The following IRAK2 variants were observed in gnomAD, a reference collection of about 807,000 sequenced individuals.
IRAK2 encodes the protein interleukin 1 receptor associated kinase 2.
In IRAK2, 57 loss-of-function variants were observed where a neutral mutation model predicts 72.0. The observed-to-expected ratio is 0.79, with a 90% CI of 0.64 to 0.99. The LOEUF (loss-of-function observed/expected upper bound fraction) is 0.99, where lower values mean the gene tolerates loss of function less well. IRAK2 is among the 50% of genes least tolerant of loss of function. The pLI is 0.00. For synonymous variants in IRAK2, 293 were observed against 312.7 expected (o/e 0.94, Z 0.67); for missense variants, 790 against 794.4 (o/e 0.99, Z 0.07).
chr3:10,197,563 C>CA (rs1051229994), intron 2 of IRAK2, among the ~76,000 whole-genome samples: 2 of 151,674 alleles, frequency 1.3e-5, no homozygotes, highest in Admixed American at 6.6e-5. Flanking sequence ...AAAAGTTGTC[C>CA]AAAGGAGGGC....
chr3:10,216,605 G>A lies in IRAK2; in HGVS notation c.789-329G>A, dbSNP rs191346402. On this transcript the variant is annotated intron_variant, in intron 6 of 12. Coordinates refer to ENST00000256458, the MANE Select transcript of IRAK2 (RefSeq NM_001570.4). Reference sequence around the variant, plus strand: ...GAACCCCAGTCCTAGAGTCAGGCAGGTGTGGGATCTGGTCCTGGCTTTACT... The same window carrying A: ...GAACCCCAGTCCTAGAGTCAGGCAGATGTGGGATCTGGTCCTGGCTTTACT... Among the ~76,000 whole-genome samples the A allele has an allele frequency of 3.3e-4, 51 of 152,322 alleles. 1 individual carries two copies. Among genetic ancestry groups the A allele is most frequent in the African/African-American group, 1.2e-3 (50 of 41,572 alleles).
In IRAK2 at chr3:10,165,048, G is replaced by C. The variant is rs766957274; in HGVS notation, c.94G>C (p.Ala32Pro). 8.7e-6 allele frequency: 14 copies of C among 1,609,422 alleles called. No homozygotes were observed. The highest frequency in any genetic ancestry group is 1.2e-5 in the Non-Finnish European group (14 of 1,178,678). ...CAGCGAGTGGGACTGGATGGAGTTC[G>C]GTGAGTGCGGCCCGGGGAGGGGAGG... is the stretch of plus-strand genomic sequence containing the variant. The part of the protein sequence containing the change: ...ALSEWDWMEF[A>P]SYVITDLTQL... Residue 32 changes from alanine (A) to proline (P), a missense_variant and splice_region_variant, in exon 1 of 13, where the codon GCC (alanine) becomes CCC (proline). Coordinates refer to ENST00000256458, the MANE Select transcript of IRAK2 (RefSeq NM_001570.4).
At chr3:10,209,868 G>A (rs1015174575) in intron 4 of IRAK2, among the ~76,000 whole-genome samples, 176 bp downstream of exon 4, 4 of 152,094 alleles carry the variant, frequency 2.6e-5, no homozygotes, top group Admixed American at 6.6e-5. Flanking sequence ...CAATAATAGC[G>A]GGGAGAGGGA....
intron 2 of IRAK2, among the ~76,000 whole-genome samples, chr3:10,192,349 C>T (rs1231883623): frequency 5.9e-5 from 9 of 152,156 alleles, no homozygotes; most frequent in Admixed American, 5.2e-4. Flanking sequence ...CTCTGAGTCC[C>T]CTCTGCTCCA....
intron 11 of IRAK2, among the ~76,000 whole-genome samples, chr3:10,238,291 C>T (rs1697997824): frequency 6.6e-6 from 1 of 152,128 alleles, no homozygotes; most frequent in African/African-American, 2.4e-5. Context: ...CTGTCTGTGG[C>T]TCTCTCTTCG....
At position 10,193,482 on chromosome 3, in the gene IRAK2, G is replaced by A. The variant is rs566897690; in HGVS notation, c.278-6887G>A. ...CAAAAACAAAAACAAAATTAGCCTG[G>A]CGTGGTGGCGTGCTCCTGTGGTCTC... On this transcript the variant is annotated intron_variant, in intron 2 of 12. Transcript: ENST00000256458. Among the ~76,000 whole-genome samples the A allele has an allele frequency of 2.0e-4, 31 of 152,026 alleles. 1 individual carries two copies. In the South Asian group the frequency reaches 6.4e-3, roughly 32 times the overall value.
intron 3 of IRAK2, among the ~76,000 whole-genome samples, chr3:10,202,085 C>A (rs1387501851): frequency 6.6e-6 from 1 of 152,134 alleles, no homozygotes; most frequent in African/African-American, 2.4e-5. Flanking sequence ...TCCAGACACT[C>A]CAGATAGGTT....
At chr3:10,224,934 A>C (rs983078049) in intron 9 of IRAK2, among the ~76,000 whole-genome samples, 1 of 150,808 alleles carries the variant, frequency 6.6e-6, no homozygotes, top group Non-Finnish European at 1.5e-5. Context: ...GTGAGTGCTC[A>C]GTGACCTCTA....
chr3:10,219,946 C>T (rs975096624), intron 8 of IRAK2, among the ~76,000 whole-genome samples, 157 bp downstream of exon 8: 3 of 152,170 alleles, frequency 2.0e-5, no homozygotes, highest in Non-Finnish European at 4.4e-5. Flanking sequence ...GTCTTTTTCT[C>T]TGTTATGCCC....
intron 12 of IRAK2, among the ~76,000 whole-genome samples, chr3:10,241,607 G>A (rs1460419769): frequency 7.5e-6 from 1 of 133,842 alleles, no homozygotes; most frequent in African/African-American, 2.9e-5. Context: ...TGGGTGCTGT[G>A]GCTCACAGGC....
chr3:10,165,350 G>T (rs562804987), intron 1 of IRAK2, among the ~76,000 whole-genome samples: 20 of 152,280 alleles, frequency 1.3e-4, no homozygotes, highest in Non-Finnish European at 2.8e-4. Flanking sequence ...GTCCCCAGGT[G>T]GCCTCTCATC....
intron 2 of IRAK2, among the ~76,000 whole-genome samples, chr3:10,184,723 GTTTTTTTTTTTT>G: frequency 9.8e-6 from 1 of 102,020 alleles, no homozygotes; most frequent in East Asian, 3.7e-4. Flanking sequence ...GTTTTTGTGT[GTTTTTTTTTTTT>G]TTTTTTTTTT....
intron 3 of IRAK2, among the ~76,000 whole-genome samples, chr3:10,203,631 G>A (rs1381958312): frequency 6.6e-6 from 1 of 152,040 alleles, no homozygotes; most frequent in African/African-American, 2.4e-5. Context: ...AGGAAAATAT[G>A]TTTGTTTGTT....
chr3:10,200,646 C>T (rs62240061), intron 3 of IRAK2, 131 bp downstream of exon 3: 1 of 718,414 alleles, frequency 1.4e-6, no homozygotes, highest in Non-Finnish European at 2.1e-6. Context: ...TGCCTATAAT[C>T]CCAGCTCCGT....
intron 2 of IRAK2, among the ~76,000 whole-genome samples, chr3:10,184,726 T>G (rs971997015): frequency 0.18 from 8,833 of 48,250 alleles, 143 homozygotes; most frequent in Admixed American, 0.27. Flanking sequence ...TTTGTGTGTT[T>G]TTTTTTTTTT....
chr3:10,225,252 A>T (rs1052649963), intron 9 of IRAK2, among the ~76,000 whole-genome samples: 3 of 152,110 alleles, frequency 2.0e-5, no homozygotes, highest in African/African-American at 7.2e-5. Context: ...TTCCACACTA[A>T]GTGTGGGGTC....
chr3:10,228,333 C>G (rs560324612), intron 10 of IRAK2, among the ~76,000 whole-genome samples: 8 of 152,230 alleles, frequency 5.3e-5, no homozygotes, highest in African/African-American at 1.7e-4. Flanking sequence ...CAGAAAGTCA[C>G]GACATGTTCC....
chr3:10,199,997 C>T lies in IRAK2; in HGVS notation c.278-372C>T, dbSNP rs368316857. Among the ~76,000 whole-genome samples, 5 of 151,164 alleles carry T rather than the reference C, an allele frequency of 3.3e-5. No individual in the cohort carries two copies. The East Asian group carries it at 7.8e-4, about 23-fold the overall frequency. On this transcript the variant is annotated intron_variant, in intron 2 of 12. Transcript: ENST00000256458. ...CCGCCTCCCCGGTTCAAGTGATTCTCCTGCCTCAGCCTCCCAAGTAGCTGA... is the reference window on the plus strand; with the variant it reads ...CCGCCTCCCCGGTTCAAGTGATTCTTCTGCCTCAGCCTCCCAAGTAGCTGA...
Position 10,238,788 on chromosome 3 carries a change from G to T in IRAK2, c.1514G>T (p.Gly505Val), listed in dbSNP as rs936729638. ...SVAAVEERLR[G>V]RETLLPWSGL... ...GCTGCTGTGGAAGAGCGGCTCCGAG[G>T]TCGGGAGACGTTGCTCCCTTGGAGT... Residue 505 changes from glycine to valine, a missense_variant, in exon 12 of 13, where the codon GGT becomes GTT. Gly to Val is a moderately radical substitution (Grantham distance 109). Coordinates refer to ENST00000256458, the MANE Select transcript of IRAK2 (RefSeq NM_001570.4). 6.2e-7 allele frequency: 1 copy of T among 1,614,180 alleles called. No homozygotes were observed. The highest frequency in any genetic ancestry group is 8.5e-7 in the Non-Finnish European group (1 of 1,180,024).
Sources: gnomAD v4.1 joint callset for allele counts (sites outside exome capture counted in the v4.1 genomes callset) on GRCh38, gnomAD v4.1.1 for gene constraint, MANE v1.5 for transcripts, NCBI Gene and HGNC (gene_info 2026-07-23, HGNC 2026-07-21) for gene names.